TDP1: variants seen among roughly 807,000 people sequenced by gnomAD.
The protein encoded by TDP1 is tyrosyl-DNA phosphodiesterase 1.
TDP1 carries 64 observed loss-of-function variants against 81.5 expected under a neutral mutation model. That is an observed-to-expected ratio of 0.79 (90% confidence interval 0.64 to 0.97). The LOEUF is 0.97. TDP1 is among the 50% of genes least tolerant of loss of function. TDP1 has a pLI of 0.00. For synonymous variants in TDP1, 256 were observed against 264.3 expected (o/e 0.97, Z 0.30); for missense variants, 723 against 743.8 (o/e 0.97, Z 0.33).
At chr14:90,040,549 A>G (rs2140353344) in intron 16 of TDP1, among the ~76,000 whole-genome samples, 1 of 152,314 alleles carries the variant, frequency 6.6e-6, no homozygotes, top group South Asian at 2.1e-4. Flanking sequence ...TCCCCACTGG[A>G]CTAGAAGCCC....
intron 7 of TDP1, among the ~76,000 whole-genome samples, chr14:89,976,549 T>C (rs2140044642): frequency 7.3e-6 from 1 of 137,064 alleles, no homozygotes; most frequent in East Asian, 2.0e-4. Context: ...TTTTTTTTTT[T>C]TTTTTTAGAC....
At chr14:90,017,470 A>C (rs1002919442) in intron 14 of TDP1, among the ~76,000 whole-genome samples, 6 of 152,154 alleles carry the variant, frequency 3.9e-5, no homozygotes, top group Non-Finnish European at 8.8e-5. Flanking sequence ...CAAGCCAAAT[A>C]AAAGGAGGGA....
rs1198342882 is a variant in TDP1 at position 89,989,165 on chromosome 14, T to C, written c.1317+75T>C. On this transcript the variant is annotated intron_variant, in intron 11 of 16. Coordinates refer to ENST00000335725, the MANE Select transcript of TDP1 (RefSeq NM_018319.4). Reference sequence around the variant, plus strand: ...AGAAGAATTGAAAATTGGTCCTCTTTGTAATGGAGAGATGTTTTATTCTGT... The same window carrying C: ...AGAAGAATTGAAAATTGGTCCTCTTCGTAATGGAGAGATGTTTTATTCTGT... The C allele has an allele frequency of 9.2e-6, 14 of 1,517,318 alleles. No homozygotes were observed. In the East Asian group the frequency reaches 2.5e-4, roughly 27 times the overall value. 94.0% of individuals were successfully genotyped at this position (1,517,318 alleles called of 1,614,324 possible).
chr14:89,970,831 ATTTAT>A (rs1213280694), intron 5 of TDP1: 1 of 699,014 alleles, frequency 1.4e-6, no homozygotes, highest in Non-Finnish European at 1.8e-6. Flanking sequence ...ATTTTAATTA[ATTTAT>A]TTATTTATTT....
At chr14:89,963,737 C>G (rs1892609159) in intron 3 of TDP1, 64 bp downstream of exon 3, 1 of 1,562,728 alleles carries the variant, frequency 6.4e-7, no homozygotes, top group African/African-American at 1.4e-5. Context: ...CTCCGTGAAA[C>G]AAGGAGGGCA....
chr14:89,967,081 A>G (rs1268569978), intron 4 of TDP1: 1 of 985,272 alleles, frequency 1.0e-6, no homozygotes, highest in East Asian at 1.1e-4. Context: ...GACATAATGT[A>G]ATAACACCCT....
At chr14:90,006,740 T>C (rs1479674303) in intron 14 of TDP1, among the ~76,000 whole-genome samples, 1 of 152,176 alleles carries the variant, frequency 6.6e-6, no homozygotes, top group African/African-American at 2.4e-5. Context: ...GGTTTCACCA[T>C]GTTGGCCAGG....
At chr14:89,985,232 T>A (rs747303766) in intron 10 of TDP1, 22 bp downstream of exon 10, 2 of 1,434,256 alleles carry the variant, frequency 1.4e-6, no homozygotes, top group East Asian at 4.7e-5. Flanking sequence ...TTTACTATTT[T>A]AACATTTTTA....
At chr14:89,976,528 T>C (rs1025768588) in intron 7 of TDP1, among the ~76,000 whole-genome samples, 2 of 75,996 alleles carry the variant, frequency 2.6e-5, no homozygotes, top group Non-Finnish European at 4.5e-5. Flanking sequence ...AACAGAGCTC[T>C]TTTTTTTTTT....
At chr14:89,977,799 A>G (rs1019049475) in intron 7 of TDP1, among the ~76,000 whole-genome samples, 2 of 152,200 alleles carry the variant, frequency 1.3e-5, no homozygotes, top group African/African-American at 4.8e-5. Flanking sequence ...AGCTAGAAAC[A>G]GTGAACGAGG....
intron 14 of TDP1, among the ~76,000 whole-genome samples, chr14:90,004,788 A>G (rs894967593): frequency 6.6e-6 from 1 of 152,138 alleles, no homozygotes; most frequent in African/African-American, 2.4e-5. Context: ...AGGCTGAGAG[A>G]AGGAAGGGAG....
chr14:90,017,903 G>A (rs531528991), intron 14 of TDP1, among the ~76,000 whole-genome samples: 26 of 152,152 alleles, frequency 1.7e-4, no homozygotes, highest in Non-Finnish European at 3.5e-4. Context: ...GTTCATGATT[G>A]TGGTCCTTGT....
Position 89,967,437 on chromosome 14 carries a change from G to A in TDP1, c.659+15G>A, listed in dbSNP as rs745582428. On this transcript the variant is annotated intron_variant, in intron 5 of 16. Coordinates refer to ENST00000335725, the MANE Select transcript of TDP1 (RefSeq NM_018319.4). ...CCAGAGTTCAGGTGAGTTCCTCAGG[G>A]TGACAGACAACACTATAAACTGTAA... is the stretch of plus-strand genomic sequence containing the variant. The A allele has an allele frequency of 6.2e-7, 1 of 1,611,780 alleles. No homozygotes were observed. The highest frequency in any genetic ancestry group is 1.1e-5 in the South Asian group (1 of 91,022).
At chr14:90,042,263 C>T (rs1888431677) in intron 16 of TDP1, among the ~76,000 whole-genome samples, 1 of 152,206 alleles carries the variant, frequency 6.6e-6, no homozygotes, top group African/African-American at 2.4e-5. Flanking sequence ...GCTGTACCAA[C>T]TATTACTGTT....
chr14:89,989,767 T>G lies in TDP1; in HGVS notation c.1366+2T>G. The G allele has an allele frequency of 6.2e-7, 1 of 1,603,150 alleles. No individual in the cohort carries two copies. Reference sequence around the variant, plus strand: ...GGACCAGTTTAGAAGGATATCCTGGTAATTCTTGGGGAGACTGTCTTGATT... The same window carrying G: ...GGACCAGTTTAGAAGGATATCCTGGGAATTCTTGGGGAGACTGTCTTGATT... On this transcript the variant is annotated splice_donor_variant, in intron 12 of 16. Transcript: ENST00000335725. LOFTEE classifies it high-confidence loss of function.
chr14:90,040,022 C>CA (rs1389018833), intron 16 of TDP1, among the ~76,000 whole-genome samples: 1 of 151,868 alleles, frequency 6.6e-6, no homozygotes, highest in Non-Finnish European at 1.5e-5. Context: ...GTTAAAGAGG[C>CA]AGAAGAGGCA....
intron 16 of TDP1, among the ~76,000 whole-genome samples, chr14:90,040,745 T>C (rs541755109): frequency 6.6e-6 from 1 of 152,386 alleles, no homozygotes; most frequent in South Asian, 2.1e-4. Context: ...TGAGTATTAA[T>C]GCTGATTTCC....
intron 10 of TDP1, 70 bp downstream of exon 10, chr14:89,985,280 T>G: frequency 1.2e-6 from 1 of 857,486 alleles, no homozygotes; most frequent in Non-Finnish European, 1.9e-6. Flanking sequence ...AAAATAATTA[T>G]ATATTTTGAT....
intron 11 of TDP1, 47 bp downstream of exon 11, chr14:89,989,137 A>C: frequency 6.5e-7 from 1 of 1,543,368 alleles, no homozygotes; most frequent in African/African-American, 1.4e-5. Flanking sequence ...TTCTCTACAC[A>C]GGAGAAGAAT....
Sources: gnomAD v4.1 joint callset for allele counts (sites outside exome capture counted in the v4.1 genomes callset) on GRCh38, gnomAD v4.1.1 for gene constraint, MANE v1.5 for transcripts, NCBI Gene and HGNC (gene_info 2026-07-23, HGNC 2026-07-21) for gene names.